The following SYNPO2 variants were observed in gnomAD, a reference collection of about 807,000 sequenced individuals.
SYNPO2 encodes the protein synaptopodin 2.
In SYNPO2, 56 loss-of-function variants were observed where a neutral mutation model predicts 85.0. That is an observed-to-expected ratio of 0.66 (90% CI 0.53 to 0.82). SYNPO2 has a LOEUF of 0.82. Ranked by LOEUF, SYNPO2 falls within the 40% of genes least tolerant of loss-of-function variation. The pLI, the probability that SYNPO2 is intolerant of heterozygous loss-of-function variation, is 0.00. For synonymous variants in SYNPO2, 602 were observed against 591.1 expected (o/e 1.02, Z -0.27); for missense variants, 1,575 against 1,534.2 (o/e 1.03, Z -0.44).
chr4:119,007,225 T>TATATATATATATATATGTATATAC (rs1737069138), intron 1 of SYNPO2, among the ~76,000 whole-genome samples: 1 of 48,336 alleles, frequency 2.1e-5, no homozygotes, highest in African/African-American at 9.9e-5. Flanking sequence ...GGTATATATA[T>TATATATATATATATATGTATATAC]ATATATATAT....
At chr4:118,920,456 G>A (rs1178240026) in intron 1 of SYNPO2, among the ~76,000 whole-genome samples, 1 of 152,034 alleles carries the variant, frequency 6.6e-6, no homozygotes, top group African/African-American at 2.4e-5. Flanking sequence ...TAAGTGATTC[G>A]ACTGTGCACG....
chr4:119,055,142 A>C (rs1658133986), intron 4 of SYNPO2, among the ~76,000 whole-genome samples: 1 of 149,616 alleles, frequency 6.7e-6, no homozygotes, highest in Non-Finnish European at 1.5e-5. Flanking sequence ...CTTGTTTCTT[A>C]TTATTTATTT....
At chr4:119,027,520 A>T in intron 3 of SYNPO2, 82 bp downstream of exon 3, 1 of 1,290,804 alleles carries the variant, frequency 7.7e-7, no homozygotes, top group Non-Finnish European at 1.0e-6. Context: ...GTTTTTCAGC[A>T]AGATTTTTCT....
chr4:119,035,835 AC>A (rs1382191005), intron 4 of SYNPO2: 3 of 984,342 alleles, frequency 3.0e-6, no homozygotes, highest in Non-Finnish European at 3.6e-6. Flanking sequence ...AAAAAAAAAA[AC>A]ACCTGATCTA....
At chr4:118,920,632 G>A (rs567985831) in intron 1 of SYNPO2, among the ~76,000 whole-genome samples, 8 of 152,040 alleles carry the variant, frequency 5.3e-5, no homozygotes, top group Non-Finnish European at 1.2e-4. Flanking sequence ...ACCATCAAAA[G>A]AACTCTTTGT....
chr4:119,055,682 T>A (rs2149202030), intron 4 of SYNPO2, among the ~76,000 whole-genome samples: 1 of 152,266 alleles, frequency 6.6e-6, no homozygotes, highest in East Asian at 1.9e-4. Flanking sequence ...TGACTAAAAG[T>A]CAGGATTCCC....
intron 1 of SYNPO2, among the ~76,000 whole-genome samples, chr4:118,934,346 G>A (rs1734030080): frequency 6.6e-6 from 1 of 152,112 alleles, no homozygotes; most frequent in African/African-American, 2.4e-5. Context: ...TGGTTTCCTT[G>A]TTGCTGACTT....
At chr4:118,968,890 C>A (rs1335950832) in intron 1 of SYNPO2, among the ~76,000 whole-genome samples, 1 of 152,172 alleles carries the variant, frequency 6.6e-6, no homozygotes, top group African/African-American at 2.4e-5. Context: ...GCCTTTGAAC[C>A]CTGACTAAAA....
chr4:119,020,305 T>C (rs1184427820), intron 1 of SYNPO2, among the ~76,000 whole-genome samples: 2 of 152,148 alleles, frequency 1.3e-5, no homozygotes, highest in Non-Finnish European at 2.9e-5. Flanking sequence ...CAGTTGATTG[T>C]GAATGTTGAC....
chr4:119,037,035 A>T (rs1251075191), intron 4 of SYNPO2: 9 of 1,397,016 alleles, frequency 6.4e-6, no homozygotes, highest in Non-Finnish European at 7.5e-6. Flanking sequence ...TTGGTTCCAA[A>T]TGTAAAGCTC....
At chr4:119,036,955 T>C in intron 4 of SYNPO2, 1 of 1,252,380 alleles carries the variant, frequency 8.0e-7, no homozygotes, top group Non-Finnish European at 1.0e-6. Flanking sequence ...GCTAGACTCC[T>C]ACAGGGTCCT....
intron 1 of SYNPO2, among the ~76,000 whole-genome samples, chr4:118,999,840 T>G (rs75020803): frequency 0.022 from 3,405 of 152,268 alleles, 135 homozygotes; most frequent in African/African-American, 0.077. Context: ...TACTACCATC[T>G]TCAGGGTTTT....
At chr4:119,040,489 TC>T (rs919516667) in intron 4 of SYNPO2, among the ~76,000 whole-genome samples, 2 of 152,220 alleles carry the variant, frequency 1.3e-5, no homozygotes, top group Non-Finnish European at 2.9e-5. Flanking sequence ...AGCATTCTTT[TC>T]GTGGTATACA....
rs768437118 is a variant in SYNPO2, at chr4:119,029,953, G to A, written c.1178G>A (p.Gly393Glu). 3 of 1,614,064 alleles carry A rather than the reference G, an allele frequency of 1.9e-6. No homozygotes were observed. Among genetic ancestry groups the A allele is most frequent in the South Asian group, 2.2e-5 (2 of 91,072 alleles). The change falls in exon 4 of 5, where the codon GGG (glycine) becomes GAG (glutamate). Residue 393 changes from glycine (G) to glutamate (E), a missense_variant. Gly to Glu is a moderately conservative substitution (Grantham distance 98, BLOSUM62 -2). Transcript: ENST00000307142. ...LTDAPNPNSKGVLMFKKRRRR... is the reference protein window; with the variant it reads ...LTDAPNPNSKEVLMFKKRRRR... ...GATGCTCCCAACCCCAACTCCAAGG[G>A]GGTGTTGATGTTTAAGAAGCGACGT...
intron 1 of SYNPO2, among the ~76,000 whole-genome samples, chr4:118,879,022 G>A (rs1339179436): frequency 6.6e-6 from 1 of 152,138 alleles, no homozygotes; most frequent in Non-Finnish European, 1.5e-5. Context: ...TGAACCCACA[G>A]GGAGGAATGA....
rs780847351 is a variant in SYNPO2 at position 119,016,897 on chromosome 4, C to T, written c.106-6533C>T. 5.9e-5 allele frequency among the ~76,000 whole-genome samples: 9 copies of T among 152,210 alleles called. No individual in the cohort carries two copies. In the South Asian group the frequency reaches 8.3e-4, roughly 14 times the overall value. On this transcript the variant is annotated intron_variant, in intron 1 of 4. Coordinates refer to ENST00000307142, the MANE Select transcript of SYNPO2 (RefSeq NM_133477.3). ...AAGTATGCAGCCCCACAAATTAGGG[C>T]TCTCATTCCTGTCAAAGATAGTTAT...
chr4:118,915,665 A>G (rs1271844251), intron 1 of SYNPO2, among the ~76,000 whole-genome samples: 1 of 152,110 alleles, frequency 6.6e-6, no homozygotes, highest in Admixed American at 6.6e-5. Context: ...CCTCTTGTAC[A>G]TGGGCAAAGA....
intron 4 of SYNPO2, among the ~76,000 whole-genome samples, chr4:119,049,330 C>T (rs1738966387): frequency 6.6e-6 from 1 of 152,118 alleles, no homozygotes; most frequent in African/African-American, 2.4e-5. Context: ...CTTGGACCTC[C>T]CAGAATCTGT....
intron 1 of SYNPO2, among the ~76,000 whole-genome samples, chr4:118,938,178 G>T (rs1475825849): frequency 3.3e-5 from 5 of 152,034 alleles, no homozygotes; most frequent in African/African-American, 1.2e-4. Flanking sequence ...AGGCTGTATA[G>T]CCGGGTGGCA....
Sources: gnomAD v4.1 joint callset for allele counts (sites outside exome capture counted in the v4.1 genomes callset) on GRCh38, gnomAD v4.1.1 for gene constraint, MANE v1.5 for transcripts, NCBI Gene and HGNC (gene_info 2026-07-23, HGNC 2026-07-21) for gene names.